Variants in PITPNM3 observed in about 807,000 individuals in gnomAD.
The protein encoded by PITPNM3 is PITPNM family member 3.
Under a neutral mutation model 102.0 loss-of-function variants are expected in PITPNM3, and 26 were observed. The ratio of observed to expected loss-of-function variants is 0.25; its 90% CI spans 0.19 to 0.35. PITPNM3 has a LOEUF of 0.35. PITPNM3 is among the 10% of genes least tolerant of loss of function. The probability of loss-of-function intolerance (pLI) is 1.00; values close to 1 mark genes in which losing one functional copy is unlikely to be tolerated. For synonymous variants in PITPNM3, 578 were observed against 558.6 expected (o/e 1.03, Z -0.49); for missense variants, 1,083 against 1,346.1 (o/e 0.80, Z 3.06).
Position 6,458,536 on chromosome 17 carries a change from G to A in PITPNM3, c.2491-814C>T, listed in dbSNP as rs142473112. Among the ~76,000 whole-genome samples the A allele has an allele frequency of 7.5e-4, 114 of 152,166 alleles. 2 individuals are homozygous for A. In the East Asian group the frequency reaches 9.9e-3, roughly 13 times the overall value. On this transcript the variant is annotated intron_variant, in intron 18 of 19. Transcript: ENST00000262483. The surrounding 1 kb of genome is among the most constrained non-coding windows in gnomAD (Gnocchi z 5.1). ...CGCACCTTCTTTCACGTCAGTGGCCGTCACTTCCAGGACCAAACTCAGAAC... is the reference window on the plus strand; with the variant it reads ...CGCACCTTCTTTCACGTCAGTGGCCATCACTTCCAGGACCAAACTCAGAAC...
intron 1 of PITPNM3, among the ~76,000 whole-genome samples, chr17:6,545,817 G>A (rs1436718673): frequency 1.3e-5 from 2 of 152,188 alleles, no homozygotes; most frequent in Non-Finnish European, 2.9e-5. Flanking sequence ...TACAGACTGG[G>A]TCCAGGCCTG....
chr17:6,455,289 G>A lies in PITPNM3; in HGVS notation c.*49C>T. ...AGGGCAGCCCCCTCCCGTCCCCGCAGGCAGCCTGATTGGGCCCCCCGCTCC... is the reference window on the plus strand; with the variant it reads ...AGGGCAGCCCCCTCCCGTCCCCGCAAGCAGCCTGATTGGGCCCCCCGCTCC... On this transcript the variant is annotated 3_prime_UTR_variant, in exon 20 of 20. Transcript: ENST00000262483. 1 of 1,526,412 alleles carries A rather than the reference G, an allele frequency of 6.6e-7. No individual in the cohort carries two copies. Among genetic ancestry groups the A allele is most frequent in the Non-Finnish European group, 8.8e-7 (1 of 1,140,738 alleles). 94.6% of individuals were successfully genotyped at this position (1,526,412 alleles called of 1,614,324 possible). A position where few individuals can be genotyped will look rare whatever the true frequency, so the allele number is the denominator to read the frequency against.
chr17:6,536,683 G>A (rs1178781892), intron 2 of PITPNM3, among the ~76,000 whole-genome samples: 2 of 152,216 alleles, frequency 1.3e-5, no homozygotes, highest in African/African-American at 4.8e-5. Flanking sequence ...CAAGGTCACA[G>A]AACTAGTCGA....
At chr17:6,467,134 T>C (rs1382320362) in intron 14 of PITPNM3, among the ~76,000 whole-genome samples, 4 of 148,396 alleles carry the variant, frequency 2.7e-5, no homozygotes, top group Non-Finnish European at 5.9e-5. Flanking sequence ...AGGTAGTGAA[T>C]GGATAAGCAA....
intron 2 of PITPNM3, among the ~76,000 whole-genome samples, chr17:6,535,731 C>T (rs190277400): frequency 2.6e-5 from 4 of 151,442 alleles, no homozygotes; most frequent in Non-Finnish European, 5.9e-5. Context: ...CCAGCCTGGC[C>T]AACATGGTGA....
chr17:6,457,368 G>A lies in PITPNM3; in HGVS notation c.2619+226C>T, dbSNP rs142540272. 4.6e-3 allele frequency among the ~76,000 whole-genome samples: 705 copies of A among 152,218 alleles called. 5 individuals carry two copies. The highest frequency in any genetic ancestry group is 0.016 in the African/African-American group (682 of 41,518). On this transcript the variant is annotated intron_variant, in intron 19 of 19. Transcript: ENST00000262483. This position sits in a 1 kb window ranked among gnomAD's most constrained non-coding sequence, Gnocchi z 4.7. ...CACCAACTGCAAATGTGTCCATCTC[G>A]CCACTACACTGAAGTTCATTGCATC...
Position 6,478,280 on chromosome 17 carries a change from C to T in PITPNM3, c.778-183G>A, listed in dbSNP as rs888307888. Reference sequence around the variant, plus strand: ...GGGTCAGGGTTGGCGTTGGCCCAGGCCAGCCCAAGGACGGGGAGTAGGCTA... The same window carrying T: ...GGGTCAGGGTTGGCGTTGGCCCAGGTCAGCCCAAGGACGGGGAGTAGGCTA... On this transcript the variant is annotated intron_variant, in intron 7 of 19. Transcript: ENST00000262483. The surrounding 1 kb of genome is among the most constrained non-coding windows in gnomAD (Gnocchi z 4.4). Among the ~76,000 whole-genome samples the T allele has an allele frequency of 1.3e-5, 2 of 152,254 alleles. No individual in the cohort carries two copies. Among genetic ancestry groups the T allele is most frequent in the African/African-American group, 4.8e-5 (2 of 41,468 alleles).
chr17:6,500,364 A>G (rs574463402), intron 4 of PITPNM3, among the ~76,000 whole-genome samples: 1 of 152,378 alleles, frequency 6.6e-6, no homozygotes, highest in African/African-American at 2.4e-5. Context: ...AATTCAGGTC[A>G]CAGATTTTTT....
chr17:6,482,423 C>A (rs1905794867), intron 6 of PITPNM3, among the ~76,000 whole-genome samples: 1 of 152,160 alleles, frequency 6.6e-6, no homozygotes, highest in Admixed American at 6.5e-5. Flanking sequence ...AAGCTCCGTG[C>A]CCCTTCCCCC....
At chr17:6,465,825 C>G (rs952674201) in intron 14 of PITPNM3, among the ~76,000 whole-genome samples, 3 of 152,232 alleles carry the variant, frequency 2.0e-5, no homozygotes, top group African/African-American at 7.2e-5. Context: ...AGACCCCAGT[C>G]TCTCCATCTA....
chr17:6,552,216 G>C (rs560968009), intron 1 of PITPNM3, among the ~76,000 whole-genome samples: 2 of 152,272 alleles, frequency 1.3e-5, no homozygotes, highest in East Asian at 3.9e-4. Flanking sequence ...CTGTGGCCTC[G>C]GCTCTGTCTC....
chr17:6,461,866 T>TC (rs2150715762), intron 17 of PITPNM3, among the ~76,000 whole-genome samples: 1 of 150,408 alleles, frequency 6.6e-6, no homozygotes, highest in East Asian at 2.0e-4. Context: ...CCTCCCTCCC[T>TC]CCTCCTCCTC....
intron 1 of PITPNM3, among the ~76,000 whole-genome samples, chr17:6,543,042 T>G (rs909750143): frequency 1.3e-5 from 2 of 152,182 alleles, no homozygotes; most frequent in Non-Finnish European, 2.9e-5. Context: ...TTATTTAAAA[T>G]GTTAAGTCAG....
rs1339982189 is a variant in PITPNM3 at position 6,464,783 on chromosome 17, G to C, written c.1891-12C>G. 7.4e-6 allele frequency: 12 copies of C among 1,613,648 alleles called. No homozygotes were observed. Among genetic ancestry groups the C allele is most frequent in the Non-Finnish European group, 6.8e-6 (8 of 1,179,688 alleles). On this transcript the variant is annotated splice_polypyrimidine_tract_variant and intron_variant, in intron 14 of 19. Coordinates refer to ENST00000262483, the MANE Select transcript of PITPNM3 (RefSeq NM_031220.4). ...TTAGCCGTGACATTCTGGAAGGACA[G>C]AAAGAAGCTGGCTCAGCCCTTGCAA...
chr17:6,489,724 T>G (rs967198468), intron 4 of PITPNM3, among the ~76,000 whole-genome samples: 16 of 152,092 alleles, frequency 1.1e-4, no homozygotes, highest in African/African-American at 3.9e-4. Context: ...AGACGTTACT[T>G]GCCGGGGACC....
chr17:6,498,439 T>A (rs551550703), intron 4 of PITPNM3, among the ~76,000 whole-genome samples: 62 of 152,264 alleles, frequency 4.1e-4, no homozygotes, highest in African/African-American at 1.4e-3. Flanking sequence ...AGAGGATCCA[T>A]GGGAGAGAAA....
intron 3 of PITPNM3, among the ~76,000 whole-genome samples, chr17:6,508,563 C>G (rs4796505): frequency 0.24 from 36,704 of 152,052 alleles, 6,530 homozygotes; most frequent in African/African-American, 0.5. Context: ...CATGGGACAG[C>G]GAAAGGCTGC....
intron 4 of PITPNM3, among the ~76,000 whole-genome samples, chr17:6,489,658 G>A (rs1263223833): frequency 6.6e-6 from 1 of 152,078 alleles, no homozygotes; most frequent in Non-Finnish European, 1.5e-5. Flanking sequence ...ACTATGAGGA[G>A]CAGGAACTTC....
chr17:6,528,320 TG>T (rs1474014690), intron 2 of PITPNM3, among the ~76,000 whole-genome samples: 3 of 152,318 alleles, frequency 2.0e-5, no homozygotes, highest in Admixed American at 6.5e-5. Context: ...GTCTCTTTCT[TG>T]ATCTCTCTCA....
Sources: allele counts gnomAD v4.1 joint callset (sites outside exome capture counted in the v4.1 genomes callset), GRCh38; gene constraint gnomAD v4.1.1; non-coding constraint Gnocchi (gnomAD v3.1); transcripts MANE v1.5; gene names NCBI Gene and HGNC (gene_info 2026-07-23, HGNC 2026-07-21).